Variants in ADGRL3 observed in about 807,000 individuals in gnomAD.
ADGRL3 encodes calcium-independent alpha-latrotoxin receptor 3.
A neutral mutation model predicts 153.5 loss-of-function variants in ADGRL3; 62 were observed. The ratio of observed to expected loss-of-function variants is 0.40; its 90% CI spans 0.33 to 0.50. The LOEUF (loss-of-function observed/expected upper bound fraction) is 0.50. Among genes scored for constraint, ADGRL3 ranks in the 20% least tolerant of loss-of-function variants. The probability of loss-of-function intolerance (pLI) is 0.47; values close to 1 mark genes in which losing one functional copy is unlikely to be tolerated. For synonymous variants in ADGRL3, 710 were observed against 672.5 expected (o/e 1.06, Z -0.86); for missense variants, 1,641 against 1,859.4 (o/e 0.88, Z 2.16).
intron 21 of ADGRL3, among the ~76,000 whole-genome samples, chr4:62,021,763 A>C (rs2099239397): frequency 6.6e-6 from 1 of 152,028 alleles, no homozygotes; most frequent in African/African-American, 2.4e-5. Context: ...TACTGTTGTA[A>C]TTATTTTAGG....
At chr4:61,325,311 A>C (rs1014328828) in intron 1 of ADGRL3, among the ~76,000 whole-genome samples, 76 of 147,444 alleles carry the variant, frequency 5.2e-4, no homozygotes, top group African/African-American at 1.9e-3. Flanking sequence ...ACTCAATTTC[A>C]AAAAAACAAA....
intron 6 of ADGRL3, among the ~76,000 whole-genome samples, chr4:61,718,917 A>G (rs945307071): frequency 6.6e-6 from 1 of 152,208 alleles, no homozygotes; most frequent in African/African-American, 2.4e-5. Context: ...AATTTGACAC[A>G]TTTCACTAAA....
intron 8 of ADGRL3, among the ~76,000 whole-genome samples, chr4:61,767,289 A>T (rs1247601243): frequency 1.3e-5 from 2 of 151,842 alleles, no homozygotes; most frequent in East Asian, 3.9e-4. Context: ...GGAACTGGGC[A>T]GGTGGGGACA....
intron 5 of ADGRL3, among the ~76,000 whole-genome samples, chr4:61,664,915 TC>T (rs2150660924): frequency 6.6e-6 from 1 of 152,264 alleles, no homozygotes; most frequent in South Asian, 2.1e-4. Flanking sequence ...TCCTATTTGT[TC>T]CATCTCCTTT....
chr4:61,664,749 G>A (rs1353254248), intron 5 of ADGRL3, among the ~76,000 whole-genome samples: 1 of 152,044 alleles, frequency 6.6e-6, no homozygotes, highest in Non-Finnish European at 1.5e-5. Context: ...GTTTATTTTT[G>A]TTCTTAGTTA....
At chr4:61,766,248 C>T (rs1025698950) in intron 8 of ADGRL3, among the ~76,000 whole-genome samples, 5 of 151,714 alleles carry the variant, frequency 3.3e-5, no homozygotes, top group African/African-American at 7.3e-5. Flanking sequence ...CTGAAGGAGC[C>T]GGGAAGCAGA....
At chr4:61,556,886 A>G (rs572817578) in intron 4 of ADGRL3, among the ~76,000 whole-genome samples, 219 of 152,288 alleles carry the variant, frequency 1.4e-3, no homozygotes, top group African/African-American at 5.1e-3. Context: ...TTTTTAAAAG[A>G]AGATTAGACT....
At chr4:61,677,455 C>A in intron 6 of ADGRL3, 2 of 314,062 alleles carry the variant, frequency 6.4e-6, no homozygotes, top group South Asian at 2.8e-5. Context: ...ATATGTTTTA[C>A]AGCTTCAAGA....
At chr4:61,897,439 C>G (rs2098638107) in intron 11 of ADGRL3, among the ~76,000 whole-genome samples, 2 of 152,158 alleles carry the variant, frequency 1.3e-5, no homozygotes, top group Non-Finnish European at 1.5e-5. Context: ...TTACCTTCAT[C>G]AAGACATCAT....
chr4:61,254,858 T>C (rs2091807720), intron 1 of ADGRL3, among the ~76,000 whole-genome samples: 1 of 152,184 alleles, frequency 6.6e-6, no homozygotes, highest in South Asian at 2.1e-4. Context: ...CAGAACCTTT[T>C]ACATTTTTTC....
At chr4:61,588,437 C>T (rs2098955635) in intron 5 of ADGRL3, among the ~76,000 whole-genome samples, 2 of 151,742 alleles carry the variant, frequency 1.3e-5, no homozygotes, top group African/African-American at 4.8e-5. Context: ...TTAATACATT[C>T]ATAGTCAATA....
intron 1 of ADGRL3, among the ~76,000 whole-genome samples, chr4:61,275,123 C>T (rs989282608): frequency 6.6e-6 from 1 of 152,138 alleles, no homozygotes; most frequent in Non-Finnish European, 1.5e-5. Context: ...TGGAGTCAAC[C>T]TGCTATACTG....
At chr4:61,600,307 C>CAAAAAAAA (rs60557691) in intron 5 of ADGRL3, among the ~76,000 whole-genome samples, 3,151 of 60,862 alleles carry the variant, frequency 0.052, 518 homozygotes, top group Middle Eastern at 0.078. Flanking sequence ...GGCTGCCTTG[C>CAAAAAAAA]AAAAAAAAAA....
intron 21 of ADGRL3, among the ~76,000 whole-genome samples, chr4:62,003,451 A>C (rs2099147404): frequency 6.6e-6 from 1 of 152,144 alleles, no homozygotes; most frequent in South Asian, 2.1e-4. Context: ...ATTTCTGTTC[A>C]GTCCTGTAAT....
intron 17 of ADGRL3, among the ~76,000 whole-genome samples, chr4:61,975,427 G>C (rs898424486): frequency 7.9e-5 from 12 of 152,142 alleles, no homozygotes; most frequent in African/African-American, 2.7e-4. Context: ...GCAGGTCAAT[G>C]GAAGTGGAAT....
At chr4:61,837,890 T>A (rs2148952460) in intron 9 of ADGRL3, among the ~76,000 whole-genome samples, 1 of 152,172 alleles carries the variant, frequency 6.6e-6, no homozygotes, top group South Asian at 2.1e-4. Flanking sequence ...GGAGCTGGCA[T>A]TGCATGATCA....
intron 6 of ADGRL3, among the ~76,000 whole-genome samples, chr4:61,709,253 G>A (rs1205995721): frequency 6.6e-6 from 1 of 152,012 alleles, no homozygotes. Context: ...TTTTATTTTA[G>A]TCTAATTTAT....
intron 20 of ADGRL3, among the ~76,000 whole-genome samples, chr4:61,997,535 GT>G (rs1245239117): frequency 1.3e-5 from 2 of 152,042 alleles, no homozygotes; most frequent in Non-Finnish European, 2.9e-5. Context: ...TCACTATGTG[GT>G]TTTTTTATAC....
chr4:61,705,542 G>T (rs1022204562), intron 6 of ADGRL3, among the ~76,000 whole-genome samples: 1 of 151,044 alleles, frequency 6.6e-6, no homozygotes, highest in Non-Finnish European at 1.5e-5. Flanking sequence ...CTGTTGCCAA[G>T]GCTGGAGTGC....
Sources: gnomAD v4.1 joint callset for allele counts (sites outside exome capture counted in the v4.1 genomes callset) on GRCh38, gnomAD v4.1.1 for gene constraint, MANE v1.5 for transcripts, NCBI Gene and HGNC (gene_info 2026-07-23, HGNC 2026-07-21) for gene names.